Variants in SH3PXD2A observed in about 807,000 individuals in gnomAD.
The protein encoded by SH3PXD2A is SH3 and PX domains 2A.
A neutral mutation model predicts 115.2 loss-of-function variants in SH3PXD2A; 32 were observed. That is an observed-to-expected ratio of 0.28 (90% confidence interval 0.21 to 0.37). SH3PXD2A has a LOEUF of 0.37. SH3PXD2A is among the 10% of genes least tolerant of loss of function. The probability of loss-of-function intolerance (pLI) is 1.00; values close to 1 mark genes in which losing one functional copy is unlikely to be tolerated. For missense variants in SH3PXD2A, 1,328 were observed against 1,498.7 expected, an observed-to-expected ratio of 0.89 and a Z score of 1.88; for synonymous variants, 610 against 629.1, an observed-to-expected ratio of 0.97 and a Z score of 0.45.
chr10:103,761,181 T>G (rs780617746), intron 3 of SH3PXD2A, among the ~76,000 whole-genome samples: 1 of 152,212 alleles, frequency 6.6e-6, no homozygotes, highest in Non-Finnish European at 1.5e-5. Context: ...GTCTAGTTAG[T>G]TGAGTTGTGC....
intron 14 of SH3PXD2A, 123 bp from the exon 15 acceptor site, chr10:103,603,912 G>A (rs1218823197): frequency 5.3e-6 from 6 of 1,132,872 alleles, no homozygotes; most frequent in Admixed American, 6.7e-5. Context: ...ATAATAAACC[G>A]AGCCACTGAG....
chr10:103,783,767 A>G (rs1277981533), intron 2 of SH3PXD2A, among the ~76,000 whole-genome samples: 1 of 152,200 alleles, frequency 6.6e-6, no homozygotes, highest in African/African-American at 2.4e-5. Context: ...TCACAGTGGG[A>G]AAAGGGGAGA....
chr10:103,695,276 T>C (rs999344037), intron 5 of SH3PXD2A, among the ~76,000 whole-genome samples: 2 of 152,240 alleles, frequency 1.3e-5, no homozygotes, highest in Non-Finnish European at 2.9e-5. Flanking sequence ...AGGTTGAGGC[T>C]ACCCAGGCTG....
At chr10:103,843,463 T>G (rs1331487691) in intron 1 of SH3PXD2A, among the ~76,000 whole-genome samples, 1 of 152,240 alleles carries the variant, frequency 6.6e-6, no homozygotes. Flanking sequence ...ATGTGGAGAC[T>G]GGCAGCTGAA....
At chr10:103,825,762 ATTTTT>A (rs370142036) in intron 1 of SH3PXD2A, among the ~76,000 whole-genome samples, 3 of 132,442 alleles carry the variant, frequency 2.3e-5, no homozygotes, top group Admixed American at 1.6e-4. Flanking sequence ...TCCGTAACAA[ATTTTT>A]TTTTTTTTTT....
intron 7 of SH3PXD2A, among the ~76,000 whole-genome samples, chr10:103,662,270 G>C (rs1330534080): frequency 7.8e-6 from 1 of 127,948 alleles, no homozygotes; most frequent in Non-Finnish European, 1.5e-5. Context: ...TGCCCTTTTA[G>C]CTTCCTAGCT....
intron 8 of SH3PXD2A, among the ~76,000 whole-genome samples, chr10:103,642,459 G>A (rs1034018680): frequency 1.3e-5 from 2 of 152,186 alleles, no homozygotes; most frequent in African/African-American, 4.8e-5. Flanking sequence ...GATTGATATT[G>A]CCTCTCTGCC....
chr10:103,804,914 C>T (rs911576654), intron 1 of SH3PXD2A, among the ~76,000 whole-genome samples: 8 of 152,288 alleles, frequency 5.3e-5, no homozygotes, highest in South Asian at 2.1e-4. Context: ...CCACCTGCAT[C>T]TCTGCTTCCC....
chr10:103,829,838 C>T (rs1054434040), intron 1 of SH3PXD2A, among the ~76,000 whole-genome samples: 1 of 152,242 alleles, frequency 6.6e-6, no homozygotes, highest in Admixed American at 6.5e-5. Context: ...GGCCAAAAGT[C>T]GGGTTGCATT....
chr10:103,762,830 C>T (rs993675036), intron 3 of SH3PXD2A, among the ~76,000 whole-genome samples: 7 of 152,088 alleles, frequency 4.6e-5, no homozygotes, highest in Middle Eastern at 3.2e-3. Flanking sequence ...CAATGTCAGC[C>T]CCTGGGTCAG....
In SH3PXD2A at chr10:103,602,086, G is replaced by C. The variant is rs1030141321; in HGVS notation, c.3132C>G (p.Pro1044=). ...ERAASQGSDS[P]LLPAQRNSIP... ...TGCTGTTGCGCTGGGCGGGCAGTAG[G>C]GGTGAGTCTGAACCCTGGCTGGCAG... The change falls in exon 15 of 15, where the codon CCC becomes CCG. Residue 1044 remains proline (P), a synonymous_variant. Transcript: ENST00000369774. 1.3e-6 allele frequency: 2 copies of C among 1,599,484 alleles called. No individual in the cohort carries two copies. Among genetic ancestry groups the C allele is most frequent in the African/African-American group, 2.7e-5 (2 of 74,702 alleles).
At position 103,603,699 on chromosome 10, in the gene SH3PXD2A, T is replaced by G; in HGVS notation, c.1519A>C (p.Lys507Gln). 1 of 1,610,292 alleles carries G rather than the reference T, an allele frequency of 6.2e-7. No homozygotes were observed. Among genetic ancestry groups the G allele is most frequent in the East Asian group, 2.2e-5 (1 of 44,868 alleles). The change falls in exon 15 of 15, where the codon AAG (lysine) becomes CAG (glutamine). Residue 507 changes from lysine (K) to glutamine (Q), a missense_variant. Around this residue, in one of 5 missense-constraint regions of SH3PXD2A, gnomAD observed 509 missense variants for 628.3 expected, o/e 0.81. Transcript: ENST00000369774. ...APASYIDKRK[K>Q]PNLSRRTSTL... ...CTTGTGCGGCGGCTCAGGTTGGGCTTCTTGCGCTTATCGATGTATGATGCG... is the reference window on the plus strand; with the variant it reads ...CTTGTGCGGCGGCTCAGGTTGGGCTGCTTGCGCTTATCGATGTATGATGCG...
intron 6 of SH3PXD2A, among the ~76,000 whole-genome samples, chr10:103,687,334 C>CG (rs975924456): frequency 1.3e-5 from 2 of 152,182 alleles, no homozygotes; most frequent in African/African-American, 4.8e-5. Context: ...ACCTCCCACT[C>CG]GTTCTGTTCC....
At position 103,602,513 on chromosome 10, in the gene SH3PXD2A, G is replaced by C. The variant is rs750858104; in HGVS notation, c.2705C>G (p.Pro902Arg). Residue 902 changes from proline to arginine, a missense_variant, in exon 15 of 15, where the codon CCT becomes CGT. Pro to Arg is a moderately radical substitution (Grantham distance 103). This residue lies in a region of SH3PXD2A where 574 missense variants were observed against 565.7 expected (regional missense o/e 1.01). Transcript: ENST00000369774. ...HYLVLDENEQ[P>R]DPSGKELDTV... ...GTCCAGCTCTTTGCCAGAGGGGTCA[G>C]GTTGCTCGTTCTCATCCAGCACCAA... 6.2e-7 allele frequency: 1 copy of C among 1,614,168 alleles called. No individual in the cohort carries two copies. Among genetic ancestry groups the C allele is most frequent in the South Asian group, 1.1e-5 (1 of 91,088 alleles).
At chr10:103,604,956 A>G (rs1433030143) in intron 14 of SH3PXD2A, among the ~76,000 whole-genome samples, 1 of 152,252 alleles carries the variant, frequency 6.6e-6, no homozygotes, top group Non-Finnish European at 1.5e-5. Context: ...AGACTGCCCA[A>G]TGAGTCTGAC....
At chr10:103,852,660 G>A (rs78381949) in intron 1 of SH3PXD2A, among the ~76,000 whole-genome samples, 30,540 of 152,080 alleles carry the variant, frequency 0.2, 3,462 homozygotes, top group South Asian at 0.25. Context: ...GGTATTCACC[G>A]TGCAAGGGCC....
chr10:103,625,852 T>C (rs562969235), intron 9 of SH3PXD2A, among the ~76,000 whole-genome samples: 3 of 152,358 alleles, frequency 2.0e-5, no homozygotes, highest in African/African-American at 7.2e-5. Context: ...ATTGTGCCAC[T>C]GCACTTCAGC....
At chr10:103,680,042 C>T (rs1186256894) in intron 6 of SH3PXD2A, among the ~76,000 whole-genome samples, 1 of 151,920 alleles carries the variant, frequency 6.6e-6, no homozygotes, top group Non-Finnish European at 1.5e-5. Flanking sequence ...TGCAATGGCG[C>T]CATCTCTGCT....
At chr10:103,796,982 C>T (rs1419589832) in intron 2 of SH3PXD2A, among the ~76,000 whole-genome samples, 1 of 151,802 alleles carries the variant, frequency 6.6e-6, no homozygotes, top group Non-Finnish European at 1.5e-5. Context: ...CCCGCCTCAG[C>T]CTCCTGAGTA....
Sources: gnomAD v4.1 joint callset for allele counts (sites outside exome capture counted in the v4.1 genomes callset) on GRCh38, gnomAD v4.1.1 for gene constraint, gnomAD v4.1.1 regional missense constraint, MANE v1.5 for transcripts, NCBI Gene and HGNC (gene_info 2026-07-23, HGNC 2026-07-21) for gene names.